PPFIA1: variants seen among roughly 807,000 people sequenced by gnomAD.
PPFIA1 encodes the protein liprin-alpha-1.
Under a neutral mutation model 149.9 loss-of-function variants are expected in PPFIA1, and 25 were observed. The observed-to-expected ratio is 0.17, with a 90% confidence interval of 0.12 to 0.23. The LOEUF (loss-of-function observed/expected upper bound fraction) is 0.23. Among genes scored for constraint, PPFIA1 ranks in the 10% least tolerant of loss-of-function variants. The pLI, the probability that PPFIA1 is intolerant of heterozygous loss-of-function variation, is 1.00. For synonymous variants in PPFIA1, 549 were observed against 552.8 expected (o/e 0.99, Z 0.10); for missense variants, 1,362 against 1,506.5 (o/e 0.90, Z 1.59).
intron 21 of PPFIA1, chr11:70,371,731 G>A (rs933934377): frequency 6.6e-6 from 1 of 152,044 alleles, no homozygotes; most frequent in Non-Finnish European, 1.5e-5. Context: ...AGTCCTGTTG[G>A]TTGTTGCTTT....
intron 21 of PPFIA1, chr11:70,363,208 T>C (rs994078875): frequency 6.6e-6 from 1 of 152,254 alleles, no homozygotes; most frequent in Non-Finnish European, 1.5e-5. Context: ...CACACCTACA[T>C]TGAAAAATGG....
chr11:70,322,649 A>G (rs1264010195), intron 2 of PPFIA1, among the ~76,000 whole-genome samples: 3 of 152,186 alleles, frequency 2.0e-5, no homozygotes, highest in African/African-American at 4.8e-5. Context: ...AGAGCTATTC[A>G]TGTTCTTTAG....
Position 70,343,811 on chromosome 11 carries a change from T to C in PPFIA1, c.1850T>C (p.Leu617Pro), listed in dbSNP as rs375990035. The change falls in exon 15 of 28, where the codon CTA becomes CCA. Residue 617 changes from leucine to proline, a missense_variant. Leu to Pro is a moderately conservative substitution (Grantham distance 98). Coordinates refer to ENST00000253925, the MANE Select transcript of PPFIA1 (RefSeq NM_003626.5). ...RDTLLSSVDL[L>P]SPSGQADAHT... is the part of the protein sequence containing the mutation. ...ACTCTCCTCAGCTCAGTTGACCTGCTATCGCCCAGCGGGCAGGCCGACGCG... is the reference window on the plus strand; with the variant it reads ...ACTCTCCTCAGCTCAGTTGACCTGCCATCGCCCAGCGGGCAGGCCGACGCG... The C allele has an allele frequency of 4.3e-6, 7 of 1,614,196 alleles. No individual in the cohort carries two copies. The East Asian group carries it at 1.6e-4, about 36-fold the overall frequency.
At chr11:70,347,335 G>A (rs2055766561) in intron 15 of PPFIA1, among the ~76,000 whole-genome samples, 1 of 152,144 alleles carries the variant, frequency 6.6e-6, no homozygotes, top group Non-Finnish European at 1.5e-5. Context: ...AAAATCAAAT[G>A]TTAATGATAT....
At chr11:70,333,659 T>G in intron 10 of PPFIA1, 106 bp downstream of exon 10, 1 of 860,724 alleles carries the variant, frequency 1.2e-6, no homozygotes, top group Non-Finnish European at 1.9e-6. Context: ...ATGTTGGTCC[T>G]CCAGCTCAGT....
At chr11:70,381,576 C>T (rs1273767170) in intron 26 of PPFIA1, among the ~76,000 whole-genome samples, 2 of 152,304 alleles carry the variant, frequency 1.3e-5, no homozygotes, top group Non-Finnish European at 2.9e-5. Context: ...CCCAGACACC[C>T]AGCTAGTGCT....
intron 2 of PPFIA1, among the ~76,000 whole-genome samples, chr11:70,297,421 A>T (rs952244021): frequency 1.3e-5 from 2 of 152,110 alleles, no homozygotes; most frequent in Admixed American, 1.3e-4. Flanking sequence ...TGAAAAAAAA[A>T]GAAAAAATGA....
intron 2 of PPFIA1, among the ~76,000 whole-genome samples, chr11:70,299,703 C>T (rs916495901): frequency 1.1e-4 from 17 of 152,184 alleles, no homozygotes; most frequent in Admixed American, 3.9e-4. Flanking sequence ...ATCCAAGCTT[C>T]GCTCTTGGCC....
intron 2 of PPFIA1, among the ~76,000 whole-genome samples, chr11:70,299,869 A>G (rs1388423480): frequency 6.6e-6 from 1 of 152,114 alleles, no homozygotes; most frequent in African/African-American, 2.4e-5. Context: ...GAGTCCACCC[A>G]GCACACTTGC....
At chr11:70,299,263 T>C (rs2052308848) in intron 2 of PPFIA1, among the ~76,000 whole-genome samples, 1 of 152,154 alleles carries the variant, frequency 6.6e-6, no homozygotes, top group South Asian at 2.1e-4. Context: ...AAACAGGTTC[T>C]GGGTAGGCCT....
chr11:70,320,836 A>T (rs978441168), intron 2 of PPFIA1, among the ~76,000 whole-genome samples: 1 of 151,968 alleles, frequency 6.6e-6, no homozygotes, highest in Non-Finnish European at 1.5e-5. Flanking sequence ...GGTCCTAGGG[A>T]GGTAGAATGC....
In PPFIA1 at chr11:70,352,514, G is replaced by A. The variant is rs570756858; in HGVS notation, c.2164-1787G>A. Among the ~76,000 whole-genome samples, 12 of 152,222 alleles carry A rather than the reference G, an allele frequency of 7.9e-5. 1 individual carries two copies. The South Asian group carries it at 2.5e-3, about 32-fold the overall frequency. ...ACTGGTAACTTCAGCGTGCTACTTG[G>A]TGTCTTTGAGGAGCCTAGGCCTCGG... is the stretch of plus-strand genomic sequence containing the variant. On this transcript the variant is annotated intron_variant, in intron 16 of 27. Transcript: ENST00000253925.
At chr11:70,349,470 T>TA (rs1048364797) in intron 16 of PPFIA1, among the ~76,000 whole-genome samples, 10 of 151,030 alleles carry the variant, frequency 6.6e-5, no homozygotes, top group African/African-American at 1.7e-4. Flanking sequence ...CATCTTTATC[T>TA]AAAAAAAAAC....
rs745504916 is a variant in PPFIA1, at chr11:70,330,315, G to C, written c.1073G>C (p.Arg358Pro). Residue 358 changes from arginine (R) to proline (P), a missense_variant, in exon 8 of 28, where the codon CGA becomes CCA. By Grantham distance (103) the Arg-to-Pro change is moderately radical. Coordinates refer to ENST00000253925, the MANE Select transcript of PPFIA1 (RefSeq NM_003626.5). ...ATTGCAAATAAAGATTCTATGCATC[G>C]ACAGGTAATGGATTTTATCGACCTT... ...NEIANKDSMH[R>P]QTEDKNRQLQ... 6.3e-7 allele frequency: 1 copy of C among 1,574,824 alleles called. No individual in the cohort carries two copies. Among genetic ancestry groups the C allele is most frequent in the Non-Finnish European group, 8.6e-7 (1 of 1,164,886 alleles).
At chr11:70,326,934 G>A in intron 7 of PPFIA1, 116 bp downstream of exon 7, 1 of 841,300 alleles carries the variant, frequency 1.2e-6, no homozygotes, top group Non-Finnish European at 1.9e-6. Context: ...TCAACCTTTG[G>A]ATTATTGTAT....
chr11:70,276,214 T>C (rs1328959610), intron 2 of PPFIA1, among the ~76,000 whole-genome samples: 1 of 151,602 alleles, frequency 6.6e-6, no homozygotes, highest in African/African-American at 2.4e-5. Flanking sequence ...TAAAGTGATC[T>C]TCCCACCTCA....
intron 26 of PPFIA1, among the ~76,000 whole-genome samples, chr11:70,379,234 C>G (rs1412789384): frequency 6.6e-6 from 1 of 151,924 alleles, no homozygotes; most frequent in Non-Finnish European, 1.5e-5. Context: ...CTGTGCTAAT[C>G]CTTGAGGCCA....
In PPFIA1 at chr11:70,376,563, A is replaced by C. The variant is rs1420628655; in HGVS notation, c.3347A>C (p.Asn1116Thr). ...GCTGTCTTGGAAAGAGAATTTAACA[A>C]CCTTTTGGTCATGGGGACTGATAGA... ...ARAVLEREFNNLLVMGTDRRF... is the reference protein window; with the variant it reads ...ARAVLEREFNTLLVMGTDRRF... The change falls in exon 25 of 28, where the codon AAC (asparagine) becomes ACC (threonine). Residue 1116 changes from asparagine to threonine, a missense_variant. By Grantham distance (65) the Asn-to-Thr change is moderately conservative. Coordinates refer to ENST00000253925, the MANE Select transcript of PPFIA1 (RefSeq NM_003626.5). 6.2e-7 allele frequency: 1 copy of C among 1,613,922 alleles called. No individual in the cohort carries two copies. The highest frequency in any genetic ancestry group is 2.2e-5 in the East Asian group (1 of 44,900).
At chr11:70,346,530 C>T (rs2055715888) in intron 15 of PPFIA1, among the ~76,000 whole-genome samples, 1 of 151,984 alleles carries the variant, frequency 6.6e-6, no homozygotes, top group Non-Finnish European at 1.5e-5. Context: ...TTTCATGTGC[C>T]ACCTTGAAAA....
Sources: gnomAD v4.1 joint callset for allele counts (sites outside exome capture counted in the v4.1 genomes callset) on GRCh38, gnomAD v4.1.1 for gene constraint, MANE v1.5 for transcripts, NCBI Gene and HGNC (gene_info 2026-07-23, HGNC 2026-07-21) for gene names.